Variants in CACHD1 observed in about 807,000 individuals in gnomAD.
The protein encoded by CACHD1 is cache domain containing 1, also known as VWFA and cache domain-containing protein 1.
A neutral mutation model predicts 138.7 loss-of-function variants in CACHD1; 71 were observed. The observed-to-expected ratio is 0.51, with a 90% CI of 0.42 to 0.62. The LOEUF is 0.62. Ranked by LOEUF, CACHD1 falls within the 20% of genes least tolerant of loss-of-function variation. The pLI, the probability that CACHD1 is intolerant of heterozygous loss-of-function variation, is 0.00. For synonymous variants in CACHD1, 578 were observed against 591.5 expected (o/e 0.98, Z 0.33); for missense variants, 1,389 against 1,625.3 (o/e 0.85, Z 2.50).
At chr1:64,602,662 A>C in intron 3 of CACHD1, 144 bp from the exon 4 acceptor site, 1 of 629,578 alleles carries the variant, frequency 1.6e-6, no homozygotes, top group Non-Finnish European at 2.8e-6. Flanking sequence ...AGAGTTCCGA[A>C]ATTATTTTTT....
intron 2 of CACHD1, among the ~76,000 whole-genome samples, chr1:64,553,699 C>T (rs967803422): frequency 3.3e-5 from 5 of 152,114 alleles, no homozygotes; most frequent in African/African-American, 9.7e-5. Flanking sequence ...TATGACCTTC[C>T]AAAGAGAATA....
chr1:64,505,593 C>T (rs1164665929), intron 1 of CACHD1, among the ~76,000 whole-genome samples: 1 of 127,274 alleles, frequency 7.9e-6, no homozygotes, highest in African/African-American at 3.0e-5. Flanking sequence ...CCGCCCCTCC[C>T]CCTCCCTGGG....
intron 3 of CACHD1, among the ~76,000 whole-genome samples, chr1:64,593,338 A>G (rs1570398795): frequency 6.6e-6 from 1 of 152,120 alleles, no homozygotes. Context: ...GGCAACTCCT[A>G]TTTTTTTCTA....
intron 2 of CACHD1, among the ~76,000 whole-genome samples, chr1:64,564,605 C>T (rs151063993): frequency 6.6e-6 from 1 of 152,104 alleles, no homozygotes; most frequent in Non-Finnish European, 1.5e-5. Context: ...TTTTCTCTCC[C>T]CTGCAGTGTG....
Position 64,675,886 on chromosome 1 carries a change from T to C in CACHD1, c.2889-11T>C. On this transcript the variant is annotated splice_polypyrimidine_tract_variant and intron_variant, in intron 20 of 26. Coordinates refer to ENST00000651257, the MANE Select transcript of CACHD1 (RefSeq NM_020925.4). ...GACCTTCTGCATAGTAACTTTCTTT[T>C]TGCTTTTCAGAATGGAACAAAATGA... The C allele has an allele frequency of 6.6e-7, 1 of 1,526,194 alleles. No individual in the cohort carries two copies. Among genetic ancestry groups the C allele is most frequent in the Non-Finnish European group, 8.8e-7 (1 of 1,136,138 alleles). 94.5% of individuals were successfully genotyped at this position (1,526,194 alleles called of 1,614,324 possible). A position where few individuals can be genotyped will look rare whatever the true frequency, so the allele number is the denominator to read the frequency against.
rs573090336 is a variant in CACHD1 at position 64,629,323 on chromosome 1, G to T, written c.518-32G>T. 3.2e-5 allele frequency: 51 copies of T among 1,610,550 alleles called. 1 individual carries two copies. The South Asian group carries it at 5.3e-4, about 17-fold the overall frequency. ...GTGCCTGCATGCACCTGTGGATTTG[G>T]TGGTTATATTTCATTTTCCTTACAC... On this transcript the variant is annotated intron_variant, in intron 4 of 26. Coordinates refer to ENST00000651257, the MANE Select transcript of CACHD1 (RefSeq NM_020925.4).
chr1:64,663,518 A>T (rs6679679), intron 13 of CACHD1, among the ~76,000 whole-genome samples, 177 bp from the exon 14 acceptor site: 32,034 of 147,782 alleles, frequency 0.22, 5,715 homozygotes, highest in East Asian at 0.63. Flanking sequence ...GCCACTTCAC[A>T]CCAGCCTGGG....
At chr1:64,626,800 A>T (rs891152021) in intron 4 of CACHD1, among the ~76,000 whole-genome samples, 1 of 152,204 alleles carries the variant, frequency 6.6e-6, no homozygotes, top group Non-Finnish European at 1.5e-5. Context: ...CAACAGGTAG[A>T]TCTTTGCTAT....
rs535817114 is a variant in CACHD1, at chr1:64,668,350, A to G, written c.2387+2183A>G. Among the ~76,000 whole-genome samples, 394 of 151,148 alleles carry G rather than the reference A, an allele frequency of 2.6e-3. 1 individual carries two copies. The highest frequency in any genetic ancestry group is 8.9e-3 in the African/African-American group (367 of 41,128). On this transcript the variant is annotated intron_variant, in intron 16 of 26. Transcript: ENST00000651257. The stretch of plus-strand genomic sequence containing the variant: ...TCAAAAAAAAAAAAAAAGAAAAAGA[A>G]AAAAAGAAAAACCCAGGTTCAGCCA...
At chr1:64,481,821 G>C (rs2100275249) in intron 1 of CACHD1, among the ~76,000 whole-genome samples, 1 of 152,218 alleles carries the variant, frequency 6.6e-6, no homozygotes, top group South Asian at 2.1e-4. Flanking sequence ...GGAAATTAAT[G>C]ATCTATAAAT....
chr1:64,584,023 C>G (rs543008711), intron 3 of CACHD1, among the ~76,000 whole-genome samples: 8 of 152,286 alleles, frequency 5.3e-5, no homozygotes, highest in African/African-American at 1.9e-4. Context: ...AATGTTTTGA[C>G]AACCTTACCA....
Position 64,603,131 on chromosome 1 carries a change from G to C in CACHD1, c.517+219G>C, listed in dbSNP as rs576393515. Among the ~76,000 whole-genome samples the C allele has an allele frequency of 5.1e-5, 5 of 98,806 alleles. No individual in the cohort carries two copies. The East Asian group carries it at 1.3e-3, about 26-fold the overall frequency. The allele number at this position is 98,806 out of a possible 152,430, so 64.8% of individuals were successfully genotyped here. A position where few individuals can be genotyped will look rare whatever the true frequency, so the allele number is the denominator to read the frequency against. ...TTTTTTTTTTTTTTTTTTTGAAACA[G>C]TCTCACTCTGTTGCCCAGGCTGGAG... On this transcript the variant is annotated intron_variant, in intron 4 of 26. Coordinates refer to ENST00000651257, the MANE Select transcript of CACHD1 (RefSeq NM_020925.4).
chr1:64,495,412 A>G (rs766302742), intron 1 of CACHD1, among the ~76,000 whole-genome samples: 1 of 152,182 alleles, frequency 6.6e-6, no homozygotes, highest in Non-Finnish European at 1.5e-5. Context: ...GCTCTCCTAT[A>G]TAATCTTAAT....
chr1:64,470,950 GC>G lies in CACHD1; in HGVS notation c.198+13del. 1 of 1,592,760 alleles carries G rather than the reference GC, an allele frequency of 6.3e-7. No homozygotes were observed. Among genetic ancestry groups the G allele is most frequent in the Non-Finnish European group, 8.6e-7 (1 of 1,168,894 alleles). The stretch of plus-strand genomic sequence containing the variant: ...GGGGTCGTCACCATGCAGGTAAGTG[GC>G]CCCCGAGCTGGCCAGACATCCCGCC... On this transcript the variant is annotated intron_variant, in intron 1 of 26. Coordinates refer to ENST00000651257, the MANE Select transcript of CACHD1 (RefSeq NM_020925.4). This position sits in a 1 kb window ranked among gnomAD's most constrained non-coding sequence, Gnocchi z 5.2.
chr1:64,611,118 C>T (rs763381012), intron 4 of CACHD1, among the ~76,000 whole-genome samples: 1 of 152,210 alleles, frequency 6.6e-6, no homozygotes, highest in East Asian at 1.9e-4. Context: ...GCACCACATC[C>T]TGAGGCAGCA....
intron 1 of CACHD1, among the ~76,000 whole-genome samples, chr1:64,497,600 G>A (rs1265340824): frequency 6.6e-6 from 1 of 152,142 alleles, no homozygotes; most frequent in Non-Finnish European, 1.5e-5. Context: ...GGAATCAGCA[G>A]GCATTAAACC....
chr1:64,526,942 A>AG (rs1244364649), intron 1 of CACHD1, among the ~76,000 whole-genome samples: 1 of 152,210 alleles, frequency 6.6e-6, no homozygotes, highest in Non-Finnish European at 1.5e-5. Flanking sequence ...ATCTAGCCAG[A>AG]GGGTCATGAA....
chr1:64,513,055 C>T (rs1646434234), intron 1 of CACHD1, among the ~76,000 whole-genome samples: 1 of 152,208 alleles, frequency 6.6e-6, no homozygotes, highest in African/African-American at 2.4e-5. Flanking sequence ...TATTCTGTTG[C>T]AAGCTGGGTT....
At chr1:64,625,401 C>T (rs1648060961) in intron 4 of CACHD1, among the ~76,000 whole-genome samples, 2 of 152,056 alleles carry the variant, frequency 1.3e-5, no homozygotes, top group East Asian at 1.9e-4. Context: ...CCAAGGCAGG[C>T]GGATCACTTG....
Sources: gnomAD v4.1 joint callset for allele counts (sites outside exome capture counted in the v4.1 genomes callset) on GRCh38, gnomAD v4.1.1 for gene constraint, Gnocchi (gnomAD v3.1) non-coding constraint, MANE v1.5 for transcripts, NCBI Gene and HGNC (gene_info 2026-07-23, HGNC 2026-07-21) for gene names.